BRD9: variants seen among roughly 807,000 people sequenced by gnomAD.
BRD9 encodes bromodomain containing 9, also known as bromodomain-containing protein 9.
In BRD9, 47 loss-of-function variants were observed where a neutral mutation model predicts 68.7. That is an observed-to-expected ratio of 0.68 (90% CI 0.54 to 0.87). The LOEUF (loss-of-function observed/expected upper bound fraction) is 0.87, where lower values mean the gene tolerates loss of function less well. Among genes scored for constraint, BRD9 ranks in the 40% least tolerant of loss-of-function variants. BRD9 has a pLI of 0.00. For synonymous variants in BRD9, 313 were observed against 293.9 expected (o/e 1.06, Z -0.67); for missense variants, 670 against 748.4 (o/e 0.90, Z 1.22).
intron 6 of BRD9, 157 bp from the exon 7 acceptor site, chr5:886,864 C>A: frequency 7.5e-7 from 1 of 1,329,774 alleles, no homozygotes; most frequent in Non-Finnish European, 1.0e-6. Flanking sequence ...ACAGCCTCAC[C>A]TGGCCTAAGA....
intron 14 of BRD9, among the ~76,000 whole-genome samples, chr5:867,361 C>T (rs931577955): frequency 6.6e-5 from 10 of 152,226 alleles, no homozygotes; most frequent in African/African-American, 2.4e-4. Flanking sequence ...GAGGTTGGAG[C>T]CCTCACCCCA....
chr5:873,208 T>C (rs1182903637), intron 12 of BRD9, among the ~76,000 whole-genome samples: 1 of 152,132 alleles, frequency 6.6e-6, no homozygotes. Flanking sequence ...AACATCTTAA[T>C]GTATATCCCT....
intron 9 of BRD9, 134 bp downstream of exon 9, chr5:880,973 G>T: frequency 1.1e-6 from 1 of 888,262 alleles, no homozygotes; most frequent in South Asian, 1.6e-5. Context: ...GTTGGGGTGC[G>T]AGCAAGGTCG....
In BRD9 at chr5:881,201, T is replaced by C. The variant is rs1198980658; in HGVS notation, c.967-19A>G. 1 of 1,612,312 alleles carries C rather than the reference T, an allele frequency of 6.2e-7. No individual in the cohort carries two copies. Among genetic ancestry groups the C allele is most frequent in the South Asian group, 1.1e-5 (1 of 91,006 alleles). ...AGCCCATCTGGAAGGAAGCACTGCCTGAGCGTCTGTCCCTCAGGAGGGGCA... is the reference window on the plus strand; with the variant it reads ...AGCCCATCTGGAAGGAAGCACTGCCCGAGCGTCTGTCCCTCAGGAGGGGCA... On this transcript the variant is annotated intron_variant, in intron 8 of 15. Coordinates refer to ENST00000467963, the MANE Select transcript of BRD9 (RefSeq NM_023924.5).
intron 7 of BRD9, among the ~76,000 whole-genome samples, chr5:886,339 C>T (rs944676786): frequency 6.6e-6 from 1 of 152,188 alleles, no homozygotes; most frequent in African/African-American, 2.4e-5. Flanking sequence ...ACAGAGACCA[C>T]CAGTCACTAG....
At chr5:883,494 C>T (rs1190220862) in intron 8 of BRD9, 15 of 450,964 alleles carry the variant, frequency 3.3e-5, no homozygotes, top group Non-Finnish European at 6.7e-5. Flanking sequence ...GCCCCACCAC[C>T]ACAAAGACCA....
At position 886,654 on chromosome 5, in the gene BRD9, T is replaced by C. The variant is rs753994493; in HGVS notation, c.771A>G (p.Glu257=). 1 of 1,614,202 alleles carries C rather than the reference T, an allele frequency of 6.2e-7. No individual in the cohort carries two copies. The highest frequency in any genetic ancestry group is 8.5e-7 in the Non-Finnish European group (1 of 1,180,014). ...EDTAVEEPVP[E]VVPVQVETAK... ...CAGTTTCTACTTGTACTGGTACAAC[T>C]TCAGGGACAGGTTCCTCAACAGCTG... Residue 257 remains glutamate, a synonymous_variant, in exon 7 of 16, where the codon GAA becomes GAG. Transcript: ENST00000467963.
In BRD9 at chr5:876,119, C is replaced by T. The variant is rs149025034; in HGVS notation, c.1365G>A (p.Thr455=). 76 of 1,612,352 alleles carry T rather than the reference C, an allele frequency of 4.7e-5. No individual in the cohort carries two copies. The African/African-American group carries it at 6.3e-4, about 13-fold the overall frequency. ...AGCCCACCTGCTTCAGCTGGAAGAG[C>T]GTCCTAGAGTGGTCTCCGCCTGTGA... The part of the protein sequence containing the change: ...DQITGGDHSR[T]LFQLKQRRNV... Residue 455 remains threonine (T), a synonymous_variant, in exon 12 of 16, where the codon ACG becomes ACA. Transcript: ENST00000467963.
At chr5:871,790 G>A (rs72703136) in intron 12 of BRD9, among the ~76,000 whole-genome samples, 5,219 of 152,346 alleles carry the variant, frequency 0.034, 128 homozygotes, top group Non-Finnish European at 0.049. Context: ...AGGATTGTGT[G>A]CCGGGGACAG....
At chr5:881,627 C>T (rs1312230833) in intron 8 of BRD9, 2 of 237,778 alleles carry the variant, frequency 8.4e-6, no homozygotes, top group Admixed American at 1.0e-4. Context: ...GAAGAGGAGG[C>T]ACTGGTGTGT....
Position 887,133 on chromosome 5 carries a change from T to A in BRD9, c.717+228A>T, listed in dbSNP as rs577376260. On this transcript the variant is annotated intron_variant, in intron 6 of 15. Coordinates refer to ENST00000467963, the MANE Select transcript of BRD9 (RefSeq NM_023924.5). Reference sequence around the variant, plus strand: ...CAAGACTGACACCTGACACCCAGGCTTAAGATCAAGAGATGCGGAACTTTC... The same window carrying A: ...CAAGACTGACACCTGACACCCAGGCATAAGATCAAGAGATGCGGAACTTTC... Among the ~76,000 whole-genome samples the A allele has an allele frequency of 5.9e-5, 9 of 152,340 alleles. No individual in the cohort carries two copies. The East Asian group carries it at 7.7e-4, about 13-fold the overall frequency.
chr5:871,840 C>T (rs954382716), intron 12 of BRD9, among the ~76,000 whole-genome samples: 14 of 152,214 alleles, frequency 9.2e-5, no homozygotes. Context: ...AGAGAGGACG[C>T]CGATGCTGTT....
chr5:883,819 C>T, intron 8 of BRD9, 119 bp downstream of exon 8: 1 of 1,413,194 alleles, frequency 7.1e-7, no homozygotes, highest in South Asian at 1.3e-5. Context: ...GTCAGGGCCC[C>T]ACGCTGACCT....
At chr5:872,121 T>G (rs992169478) in intron 12 of BRD9, among the ~76,000 whole-genome samples, 2 of 152,120 alleles carry the variant, frequency 1.3e-5, no homozygotes, top group Admixed American at 6.5e-5. Context: ...GGGCCGTGCA[T>G]TGTCTCCTTC....
At chr5:877,355 G>A (rs1470403027) in intron 11 of BRD9, among the ~76,000 whole-genome samples, 1 of 152,198 alleles carries the variant, frequency 6.6e-6, no homozygotes, top group African/African-American at 2.4e-5. Context: ...TCTCCTACTA[G>A]AATTTCCTCT....
At position 876,016 on chromosome 5, in the gene BRD9, G is replaced by A. The variant is rs574122371; in HGVS notation, c.1383+85C>T. ...GTCCCTGCGACAGCTCCTCGTCCCC[G>A]AAAGCCTGGTCAGGCTGCAGGCTCT... On this transcript the variant is annotated intron_variant, in intron 12 of 15. Transcript: ENST00000467963. The A allele has an allele frequency of 3.5e-5, 33 of 934,708 alleles. 1 individual carries two copies. Among genetic ancestry groups the A allele is most frequent in the South Asian group, 1.3e-4 (9 of 67,796 alleles). The allele number at this position is 934,708 out of a possible 1,614,324, so 57.9% of individuals were successfully genotyped here. A position where few individuals can be genotyped will look rare whatever the true frequency, so the allele number is the denominator to read the frequency against.
At position 891,687 on chromosome 5, in the gene BRD9, ACTTCTT is replaced by A; in HGVS notation, c.214_219del (p.Lys72_Lys73del). 3 of 1,550,154 alleles carry A rather than the reference ACTTCTT, an allele frequency of 1.9e-6. No homozygotes were observed. Among genetic ancestry groups the A allele is most frequent in the Non-Finnish European group, 2.6e-6 (3 of 1,146,500 alleles). On this transcript the variant is annotated inframe_deletion, in exon 2 of 16. Coordinates refer to ENST00000467963, the MANE Select transcript of BRD9 (RefSeq NM_023924.5). Reference sequence around the variant, plus strand: ...TCGTCCAGATGCTTCTCCTTCTCGGACTTCTTCTTCTTCTTCTTTTTCTTTTCTTTG... The same window carrying A: ...TCGTCCAGATGCTTCTCCTTCTCGGACTTCTTCTTCTTTTTCTTTTCTTTG...
chr5:888,883 T>G, intron 5 of BRD9, 138 bp downstream of exon 5: 1 of 878,872 alleles, frequency 1.1e-6, no homozygotes, highest in Non-Finnish European at 1.7e-6. Context: ...TAATGCTGTG[T>G]CTGTAAAACA....
chr5:865,435 C>A lies in BRD9; in HGVS notation c.1672G>T (p.Glu558Ter). 1 of 1,587,714 alleles carries A rather than the reference C, an allele frequency of 6.3e-7. No homozygotes were observed. Among genetic ancestry groups the A allele is most frequent in the African/African-American group, 1.3e-5 (1 of 74,376 alleles). The change falls in exon 15 of 16, where the codon GAG becomes TAG. Residue 558 changes from glutamate to a stop codon, truncating the protein, a stop_gained. Coordinates refer to ENST00000467963, the MANE Select transcript of BRD9 (RefSeq NM_023924.5). LOFTEE classifies it high-confidence loss of function. ...TCACCCAGGTGGTGCTGGTCCCTCT[C>A]GGAGGCGTTGGACAGGGAGCTGAGG... is the stretch of plus-strand genomic sequence containing the variant. ...SNLSSLSNAS[E>*]RDQHHLGSPS...
Sources: gnomAD v4.1 joint callset for allele counts (sites outside exome capture counted in the v4.1 genomes callset) on GRCh38, gnomAD v4.1.1 for gene constraint, MANE v1.5 for transcripts, NCBI Gene and HGNC (gene_info 2026-07-23, HGNC 2026-07-21) for gene names.